The following MAPKAP1 variants were observed in gnomAD, a reference collection of about 807,000 sequenced individuals.
MAPKAP1 encodes the protein MAPK associated protein 1.
In MAPKAP1, 20 loss-of-function variants were observed where a neutral mutation model predicts 65.7. The observed-to-expected ratio is 0.30, with a 90% CI of 0.21 to 0.44. The LOEUF (loss-of-function observed/expected upper bound fraction) is 0.44. Among genes scored for constraint, MAPKAP1 ranks in the 20% least tolerant of loss-of-function variants. MAPKAP1 has a pLI of 1.00. For synonymous variants in MAPKAP1, 222 were observed against 244.3 expected, an observed-to-expected ratio of 0.91 and a Z score of 0.85; for missense variants, 423 against 648.0, an observed-to-expected ratio of 0.65 and a Z score of 3.77.
chr9:125,520,290 T>C (rs963893297), intron 7 of MAPKAP1, among the ~76,000 whole-genome samples: 10 of 152,224 alleles, frequency 6.6e-5, no homozygotes, highest in Non-Finnish European at 1.2e-4. Flanking sequence ...GCATTGTCCC[T>C]ATGCCTGGGT....
rs1234053201 is a variant in MAPKAP1, at chr9:125,621,753, TA to T, written c.498+35897del. Among the ~76,000 whole-genome samples, 6 of 152,362 alleles carry T rather than the reference TA, an allele frequency of 3.9e-5. No homozygotes were observed. In the East Asian group the frequency reaches 7.7e-4, roughly 20 times the overall value. ...TTCCATGGTCATTAAAACAACTTCTTATACCCCATAACTATACATGGGTTCT... is the reference window on the plus strand; with the variant it reads ...TTCCATGGTCATTAAAACAACTTCTTTACCCCATAACTATACATGGGTTCT... On this transcript the variant is annotated intron_variant, in intron 4 of 11. Coordinates refer to ENST00000265960, the MANE Select transcript of MAPKAP1 (RefSeq NM_001006617.3).
intron 4 of MAPKAP1, among the ~76,000 whole-genome samples, chr9:125,620,405 C>A (rs1376966684): frequency 6.6e-6 from 1 of 152,206 alleles, no homozygotes; most frequent in African/African-American, 2.4e-5. Flanking sequence ...TCTTACATTG[C>A]TGGTAGGAGT....
intron 5 of MAPKAP1, among the ~76,000 whole-genome samples, chr9:125,571,025 GCATTT>G (rs1231352711): frequency 3.9e-5 from 6 of 152,172 alleles, no homozygotes; most frequent in African/African-American, 1.4e-4. Context: ...ATTAAAAATT[GCATTT>G]AACATTAATA....
chr9:125,595,708 G>T lies in MAPKAP1; in HGVS notation c.499-9981C>A, dbSNP rs1396306198. On this transcript the variant is annotated intron_variant, in intron 4 of 11. Coordinates refer to ENST00000265960, the MANE Select transcript of MAPKAP1 (RefSeq NM_001006617.3). This position sits in a 1 kb window ranked among gnomAD's most constrained non-coding sequence, Gnocchi z 4.0. ...CTCCTAAAGAGCCGGAACAGCTAAGGAATCTCTTCATTGGAGGGTTGAGCT... is the reference window on the plus strand; with the variant it reads ...CTCCTAAAGAGCCGGAACAGCTAAGTAATCTCTTCATTGGAGGGTTGAGCT... 1.3e-6 allele frequency: 2 copies of T among 1,559,774 alleles called. No homozygotes were observed. Among genetic ancestry groups the T allele is most frequent in the African/African-American group, 2.7e-5 (2 of 73,796 alleles).
chr9:125,535,414 G>A (rs993615269), intron 7 of MAPKAP1, among the ~76,000 whole-genome samples: 1 of 152,024 alleles, frequency 6.6e-6, no homozygotes, highest in African/African-American at 2.4e-5. Flanking sequence ...CTCTTTTTAC[G>A]TGTACTCATT....
At chr9:125,532,131 G>T (rs1259761159) in intron 7 of MAPKAP1, among the ~76,000 whole-genome samples, 1 of 151,980 alleles carries the variant, frequency 6.6e-6, no homozygotes, top group Non-Finnish European at 1.5e-5. Context: ...AGAATCAAAG[G>T]GTCTGGGTTC....
Position 125,453,183 on chromosome 9 carries a change from G to A in MAPKAP1, c.1346-8585C>T, listed in dbSNP as rs1250813693. On this transcript the variant is annotated intron_variant, in intron 10 of 11. Transcript: ENST00000265960. ...AGCAATTCTCCTGCCTCAGCCTTCT[G>A]AGTAGCTGGGCTACAGGGGTGCAAC... Among the ~76,000 whole-genome samples, 8 of 152,270 alleles carry A rather than the reference G, an allele frequency of 5.3e-5. No homozygotes were observed. The East Asian group carries it at 1.4e-3, about 26-fold the overall frequency.
chr9:125,617,015 C>A (rs1832765161), intron 4 of MAPKAP1, among the ~76,000 whole-genome samples: 1 of 152,094 alleles, frequency 6.6e-6, no homozygotes, highest in Admixed American at 6.5e-5. Context: ...TATATGTGCA[C>A]TTAATATGCA....
chr9:125,666,465 A>T (rs1834343077), intron 3 of MAPKAP1, among the ~76,000 whole-genome samples: 1 of 152,222 alleles, frequency 6.6e-6, no homozygotes. Context: ...AGATAAGAAA[A>T]ACAAATGAAA....
chr9:125,507,273 T>A (rs1302863280), intron 7 of MAPKAP1, among the ~76,000 whole-genome samples: 1 of 152,224 alleles, frequency 6.6e-6, no homozygotes, highest in Admixed American at 6.5e-5. Flanking sequence ...ACGGGTCCAA[T>A]GATCAGATTC....
chr9:125,502,582 C>T (rs1829016065), intron 8 of MAPKAP1, among the ~76,000 whole-genome samples: 1 of 152,214 alleles, frequency 6.6e-6, no homozygotes, highest in South Asian at 2.1e-4. Flanking sequence ...TCTCAATTTC[C>T]AAACATATGC....
At chr9:125,633,581 A>C (rs1833347023) in intron 4 of MAPKAP1, among the ~76,000 whole-genome samples, 1 of 152,212 alleles carries the variant, frequency 6.6e-6, no homozygotes, top group Non-Finnish European at 1.5e-5. Context: ...TTTTGATGCA[A>C]AGTACTATTT....
intron 1 of MAPKAP1, among the ~76,000 whole-genome samples, chr9:125,689,052 T>C (rs1406186867): frequency 1.3e-5 from 2 of 152,122 alleles, no homozygotes; most frequent in Non-Finnish European, 2.9e-5. Context: ...ACGCTGAGGG[T>C]TAGGCGTATA....
At chr9:125,689,579 T>G (rs1351857246) in intron 1 of MAPKAP1, among the ~76,000 whole-genome samples, 3 of 137,324 alleles carry the variant, frequency 2.2e-5, no homozygotes, top group Non-Finnish European at 3.1e-5. Flanking sequence ...AAACCTCATC[T>G]CTACAAAAAA....
chr9:125,678,385 G>A (rs1204820000), intron 1 of MAPKAP1, among the ~76,000 whole-genome samples: 2 of 151,998 alleles, frequency 1.3e-5, no homozygotes, highest in Admixed American at 6.6e-5. Flanking sequence ...TAAGACTACA[G>A]GCGCCCGCCA....
intron 4 of MAPKAP1, among the ~76,000 whole-genome samples, chr9:125,609,367 A>T (rs150924051): frequency 6.6e-6 from 1 of 152,310 alleles, no homozygotes; most frequent in Non-Finnish European, 1.5e-5. Context: ...AATGAACAGG[A>T]CATATACAAA....
At chr9:125,705,899 G>C (rs1835743288) in intron 1 of MAPKAP1, among the ~76,000 whole-genome samples, 1 of 152,126 alleles carries the variant, frequency 6.6e-6, no homozygotes, top group Non-Finnish European at 1.5e-5. Context: ...ATCAGGATGG[G>C]GTAATTAAAG....
intron 5 of MAPKAP1, chr9:125,568,838 G>C: frequency 5.8e-6 from 1 of 171,808 alleles, no homozygotes. Flanking sequence ...AGCCTGGCAT[G>C]CTGACAAAAG....
rs1359317470 is a variant in MAPKAP1 at position 125,439,074 on chromosome 9, C to T, written c.1444-62G>A. 21 of 1,591,576 alleles carry T rather than the reference C, an allele frequency of 1.3e-5. No homozygotes were observed. Among genetic ancestry groups the T allele is most frequent in the Middle Eastern group, 2.2e-4 (1 of 4,480 alleles). ...GCCGCTCCCTACCCACCCAGGGCATCGGAGGGGGTGGCAGGGAAGGCCCTG... is the reference window on the plus strand; with the variant it reads ...GCCGCTCCCTACCCACCCAGGGCATTGGAGGGGGTGGCAGGGAAGGCCCTG... On this transcript the variant is annotated intron_variant, in intron 11 of 11. Coordinates refer to ENST00000265960, the MANE Select transcript of MAPKAP1 (RefSeq NM_001006617.3). This position sits in a 1 kb window ranked among gnomAD's most constrained non-coding sequence, Gnocchi z 4.0.
Sources: allele counts gnomAD v4.1 joint callset (sites outside exome capture counted in the v4.1 genomes callset), GRCh38; gene constraint gnomAD v4.1.1; non-coding constraint Gnocchi (gnomAD v3.1); transcripts MANE v1.5; gene names NCBI Gene and HGNC (gene_info 2026-07-23, HGNC 2026-07-21).